Variants in RBM45 observed in about 807,000 individuals in gnomAD.
RBM45 encodes RNA-binding protein 45.
A neutral mutation model predicts 58.5 loss-of-function variants in RBM45; 39 were observed. The ratio of observed to expected loss-of-function variants is 0.67; its 90% CI spans 0.52 to 0.87. The LOEUF (loss-of-function observed/expected upper bound fraction) is 0.87. RBM45 is among the 40% of genes least tolerant of loss of function. The probability of loss-of-function intolerance (pLI) is 0.00; values close to 1 mark genes in which losing one functional copy is unlikely to be tolerated. For synonymous variants in RBM45, 193 were observed against 203.0 expected, an observed-to-expected ratio of 0.95 and a Z score of 0.42; for missense variants, 481 against 581.6, an observed-to-expected ratio of 0.83 and a Z score of 1.78.
chr2:178,117,653 T>G (rs1299497583), intron 2 of RBM45, among the ~76,000 whole-genome samples: 1 of 152,312 alleles, frequency 6.6e-6, no homozygotes, highest in Non-Finnish European at 1.5e-5. Context: ...AACAACCCTG[T>G]GAGGTAGATA....
At position 178,123,524 on chromosome 2, in the gene RBM45, C is replaced by A; in HGVS notation, c.856C>A (p.His286Asn). The A allele has an allele frequency of 1.9e-6, 3 of 1,581,962 alleles. No homozygotes were observed. The highest frequency in any genetic ancestry group is 2.4e-5 in the South Asian group (2 of 83,702). Residue 286 changes from histidine (H) to asparagine (N), a missense_variant and splice_region_variant, in exon 6 of 10, where the codon CAT becomes AAT. Transcript: ENST00000286070. ...VQRDPYSNYG[H>N]GVVQYFNVAS... ...TTTCTGTATGTTCTCTATTTTAGGTCATGGAGTGGTTCAGTATTTTAATGT... is the reference window on the plus strand; with the variant it reads ...TTTCTGTATGTTCTCTATTTTAGGTAATGGAGTGGTTCAGTATTTTAATGT...
In RBM45 at chr2:178,118,181, A is replaced by T; in HGVS notation, c.550A>T (p.Ser184Cys). 6.2e-7 allele frequency: 1 copy of T among 1,609,582 alleles called. No homozygotes were observed. The highest frequency in any genetic ancestry group is 8.5e-7 in the Non-Finnish European group (1 of 1,178,178). Residue 184 changes from serine (S) to cysteine (C), a missense_variant and splice_region_variant, in exon 3 of 10, where the codon AGT becomes TGT. Physicochemically the swap from Ser to Cys is moderately radical, Grantham distance 112. Coordinates refer to ENST00000286070, the MANE Select transcript of RBM45 (RefSeq NM_152945.4). ...AAQAIENCDR[S>C]FRAILAEPKN... The stretch of plus-strand genomic sequence containing the variant: ...CCAAGCAATAGAAAACTGTGATCGA[A>T]GTAAGGATGTGTTTAACATTGTTAA...
intron 2 of RBM45, 45 bp downstream of exon 2, chr2:178,116,429 G>A: frequency 2.0e-6 from 3 of 1,534,878 alleles, no homozygotes; most frequent in South Asian, 2.6e-5. Flanking sequence ...TCATAGTCCT[G>A]CATAGGTTGT....
intron 9 of RBM45, among the ~76,000 whole-genome samples, chr2:178,127,497 T>G (rs2087948620): frequency 6.6e-6 from 1 of 152,204 alleles, no homozygotes; most frequent in Non-Finnish European, 1.5e-5. Context: ...ATCACATGAT[T>G]AGTTCCTCCT....
chr2:178,117,048 T>C (rs539238931), intron 2 of RBM45, among the ~76,000 whole-genome samples: 1 of 152,296 alleles, frequency 6.6e-6, no homozygotes, highest in Non-Finnish European at 1.5e-5. Flanking sequence ...TGATGAGCTT[T>C]CACACAAATT....
chr2:178,125,930 C>A, intron 8 of RBM45, 54 bp from the exon 9 acceptor site: 1 of 1,464,644 alleles, frequency 6.8e-7, no homozygotes, highest in Middle Eastern at 1.7e-4. Flanking sequence ...AATTTTAGAC[C>A]TGAGCAGTTG....
intron 3 of RBM45, 83 bp from the exon 4 acceptor site, chr2:178,120,204 G>A: frequency 6.4e-7 from 1 of 1,554,242 alleles, no homozygotes; most frequent in Non-Finnish European, 8.8e-7. Flanking sequence ...TATTTATAAA[G>A]CTGAGTCAGG....
chr2:178,135,915 A>G (rs916993757), intron 3 of RBM45, among the ~76,000 whole-genome samples: 7 of 152,266 alleles, frequency 4.6e-5, no homozygotes, highest in South Asian at 4.1e-4. Context: ...AGTGGAAACT[A>G]GAAAGAATTT....
chr2:178,135,423 G>A (rs965090860), intron 3 of RBM45, among the ~76,000 whole-genome samples: 1 of 152,210 alleles, frequency 6.6e-6, no homozygotes, highest in African/African-American at 2.4e-5. Flanking sequence ...ATTCCTAACA[G>A]GACTCATCTC....
Position 178,117,955 on chromosome 2 carries a change from G to A in RBM45, c.424-100G>A, listed in dbSNP as rs1325215767. ...CATATTTTATACTGCCTATTTCTTT[G>A]TTTGCATGCAAGGGTCACATATAAA... On this transcript the variant is annotated intron_variant, in intron 2 of 9. Transcript: ENST00000286070. The A allele has an allele frequency of 3.5e-6, 3 of 868,488 alleles. No individual in the cohort carries two copies. The African/African-American group carries it at 5.1e-5, about 15-fold the overall frequency. The allele number at this position is 868,488 out of a possible 1,614,324, so 53.8% of individuals were successfully genotyped here.
chr2:178,117,401 C>A (rs2087790996), intron 2 of RBM45, among the ~76,000 whole-genome samples: 1 of 151,660 alleles, frequency 6.6e-6, no homozygotes, highest in African/African-American at 2.4e-5. Context: ...TAATAAATAC[C>A]AATTATATTC....
downstream of RBM45, among the ~76,000 whole-genome samples, chr2:178,130,608 G>T (rs974040826): frequency 1.3e-5 from 2 of 152,056 alleles, no homozygotes; most frequent in Non-Finnish European, 2.9e-5. Context: ...AAAATTATTA[G>T]CTATGACATT....
rs145040129 is a variant in RBM45, at chr2:178,136,043, G to A, written c.*9-420G>A. 1.9e-3 allele frequency among the ~76,000 whole-genome samples: 282 copies of A among 152,322 alleles called. 2 individuals carry two copies. Among genetic ancestry groups the A allele is most frequent in the African/African-American group, 6.3e-3 (261 of 41,568 alleles). ...AACAAGATGACAGCCCAGTGTGATG[G>A]CTCACGCCTGTAATCCCAGCACTTT... On this transcript the variant is annotated intron_variant, in intron 3 of 3. Coordinates refer to the RBM45 transcript ENST00000455903.
At chr2:178,120,660 T>C (rs1276858442) in intron 4 of RBM45, among the ~76,000 whole-genome samples, 1 of 152,160 alleles carries the variant, frequency 6.6e-6, no homozygotes, top group East Asian at 1.9e-4. Flanking sequence ...TTAGAAACTA[T>C]TACCACTGCC....
downstream of RBM45, among the ~76,000 whole-genome samples, chr2:178,130,857 T>C (rs1337984781): frequency 2.0e-5 from 3 of 152,182 alleles, no homozygotes; most frequent in Non-Finnish European, 4.4e-5. Flanking sequence ...TTTTAGCAAA[T>C]TTAGAAAAGA....
chr2:178,114,635 C>G, intron 1 of RBM45, among the ~76,000 whole-genome samples: 1 of 152,160 alleles, frequency 6.6e-6, no homozygotes, highest in Non-Finnish European at 1.5e-5. Context: ...GTCACCCAGG[C>G]TAGAGTGCAG....
intron 2 of RBM45, among the ~76,000 whole-genome samples, chr2:178,116,696 G>A (rs959795650): frequency 1.3e-5 from 2 of 152,156 alleles, no homozygotes; most frequent in African/African-American, 4.8e-5. Context: ...ACTAGTAGGT[G>A]GTAGAGCTAT....
At chr2:178,115,139 G>T (rs943560381) in intron 1 of RBM45, among the ~76,000 whole-genome samples, 2 of 152,068 alleles carry the variant, frequency 1.3e-5, no homozygotes, top group African/African-American at 4.8e-5. Context: ...GAAAACAGAA[G>T]AAAAAAATCT....
intron 9 of RBM45, among the ~76,000 whole-genome samples, chr2:178,128,125 C>T (rs1412744511): frequency 6.6e-6 from 1 of 150,912 alleles, no homozygotes; most frequent in East Asian, 2.0e-4. Flanking sequence ...CACAGCTCAG[C>T]CTTGCAAGTA....
Sources: gnomAD v4.1 joint callset for allele counts (sites outside exome capture counted in the v4.1 genomes callset) on GRCh38, gnomAD v4.1.1 for gene constraint, MANE v1.5 for transcripts, NCBI Gene and HGNC (gene_info 2026-07-23, HGNC 2026-07-21) for gene names.